Variants in TMEM68 observed in about 807,000 individuals in gnomAD.
TMEM68 encodes the protein DGAT1/2-independent enzyme synthesizing storage lipids.
In TMEM68, 25 loss-of-function variants were observed where a neutral mutation model predicts 36.9. That is an observed-to-expected ratio of 0.68 (90% confidence interval 0.49 to 0.95). The LOEUF (loss-of-function observed/expected upper bound fraction) is 0.95. Among genes scored for constraint, TMEM68 ranks in the 40% least tolerant of loss-of-function variants. The probability of loss-of-function intolerance (pLI) is 0.00; values close to 1 mark genes in which losing one functional copy is unlikely to be tolerated. For missense variants in TMEM68, 333 were observed against 392.0 expected (o/e 0.85, Z 1.27); for synonymous variants, 131 against 124.4 (o/e 1.05, Z -0.35).
chr8:55,756,126 AC>A (rs1240621742), intron 4 of TMEM68, 117 bp downstream of exon 4: 1 of 722,318 alleles, frequency 1.4e-6, no homozygotes, highest in East Asian at 3.1e-5. Flanking sequence ...TGTTATACAC[AC>A]CCTAAAAGGC....
chr8:55,740,559 T>C (rs966935352), intron 7 of TMEM68, among the ~76,000 whole-genome samples: 2 of 152,136 alleles, frequency 1.3e-5, no homozygotes, highest in African/African-American at 2.4e-5. Flanking sequence ...CTCCTTAAGA[T>C]ACATCTTAGA....
chr8:55,754,738 A>ATATATATATTATATATAAAATACATACT (rs1395061390), intron 4 of TMEM68, among the ~76,000 whole-genome samples: 26 of 105,590 alleles, frequency 2.5e-4, no homozygotes, highest in South Asian at 7.5e-4. Flanking sequence ...ATACATACTT[A>ATATATATATTATATATAAAATACATACT]TATATATATT....
intron 5 of TMEM68, among the ~76,000 whole-genome samples, chr8:55,750,724 C>G (rs180695703): frequency 1.3e-5 from 2 of 151,846 alleles, no homozygotes; most frequent in African/African-American, 4.8e-5. Flanking sequence ...ATTTTTAGTA[C>G]AGATGGGGTT....
intron 1 of TMEM68, among the ~76,000 whole-genome samples, chr8:55,771,360 G>A (rs1811154806): frequency 6.6e-6 from 1 of 151,908 alleles, no homozygotes; most frequent in Non-Finnish European, 1.5e-5. Context: ...CTAACACTTT[G>A]GGAGGCTGAG....
At chr8:55,755,266 A>G (rs116739929) in intron 4 of TMEM68, among the ~76,000 whole-genome samples, 1,935 of 151,590 alleles carry the variant, frequency 0.013, 39 homozygotes, top group African/African-American at 0.045. Context: ...AAGACAAAAT[A>G]TATCTTTTTT....
intron 7 of TMEM68, among the ~76,000 whole-genome samples, chr8:55,741,396 G>A (rs1195903484): frequency 6.6e-6 from 1 of 152,150 alleles, no homozygotes; most frequent in African/African-American, 2.4e-5. Flanking sequence ...TGTGTATTAA[G>A]TGTATCTCTA....
At chr8:55,757,599 CCTCT>C (rs1810645631) in intron 3 of TMEM68, among the ~76,000 whole-genome samples, 1 of 152,042 alleles carries the variant, frequency 6.6e-6, no homozygotes, top group South Asian at 2.1e-4. Context: ...CCTTTCACTC[CCTCT>C]AAGAAAAGGG....
intron 5 of TMEM68, among the ~76,000 whole-genome samples, chr8:55,749,663 T>C (rs1418684104): frequency 6.6e-6 from 1 of 152,140 alleles, no homozygotes. Context: ...TCCATCTCTC[T>C]GTGCCTGAGT....
intron 1 of TMEM68, among the ~76,000 whole-genome samples, chr8:55,766,881 G>C (rs1810980246): frequency 6.6e-6 from 1 of 152,142 alleles, no homozygotes; most frequent in Non-Finnish European, 1.5e-5. Flanking sequence ...TCAGTTTCTG[G>C]ATATATTTTG....
rs1240636576 is a variant in TMEM68 at position 55,743,595 on chromosome 8, T to G, written c.774A>C (p.Lys258Asn). 1 of 1,535,110 alleles carries G rather than the reference T, an allele frequency of 6.5e-7. No homozygotes were observed. Among genetic ancestry groups the G allele is most frequent in the East Asian group, 2.4e-5 (1 of 40,910 alleles). Residue 258 changes from lysine to asparagine, a missense_variant, in exon 7 of 8, where the codon AAA becomes AAC. Physicochemically the swap from Lys to Asn is moderately conservative, Grantham distance 94. Transcript: ENST00000434581. ...ACATTGGAGCAAATGGATAGCGGAA[T>G]TTTTCATAAAGCCACCTAAATAACC... ...GTRLFRWLYE[K>N]FRYPFAPMYG...
rs781740378 is a variant in TMEM68, at chr8:55,756,340, T to C, written c.397A>G (p.Ile133Val). ...ATGAAATAGTAAAAATCTATAGGAA[T>C]AGCTCCATGATAAAAAATTATAAGT... is the stretch of plus-strand genomic sequence containing the variant. ...PALIIFYHGA[I>V]PIDFYYFMAK... Residue 133 changes from isoleucine (I) to valine (V), a missense_variant, in exon 4 of 8, where the codon ATT becomes GTT. Physicochemically the swap from Ile to Val is conservative, Grantham distance 29. Coordinates refer to ENST00000434581, the MANE Select transcript of TMEM68 (RefSeq NM_001286657.2). 5.0e-6 allele frequency: 8 copies of C among 1,605,766 alleles called. No individual in the cohort carries two copies. The Admixed American group carries it at 1.0e-4, about 21-fold the overall frequency.
chr8:55,753,225 A>C (rs929379971), intron 4 of TMEM68, among the ~76,000 whole-genome samples: 3 of 152,208 alleles, frequency 2.0e-5, no homozygotes, highest in Non-Finnish European at 4.4e-5. Context: ...AAAAAAGTAG[A>C]AGCAACCTAA....
chr8:55,742,372 T>C (rs1436236619), intron 7 of TMEM68, among the ~76,000 whole-genome samples: 1 of 152,210 alleles, frequency 6.6e-6, no homozygotes, highest in Admixed American at 6.5e-5. Flanking sequence ...ATGGTTAAGA[T>C]AGTACATGTA....
At chr8:55,771,437 A>G (rs1227484948) in intron 1 of TMEM68, among the ~76,000 whole-genome samples, 2 of 60,708 alleles carry the variant, frequency 3.3e-5, no homozygotes, top group Non-Finnish European at 7.0e-5. Context: ...CCTTGTCTCT[A>G]CAAAACACAC....
intron 5 of TMEM68, 177 bp downstream of exon 5, chr8:55,750,787 C>G: frequency 1.8e-6 from 1 of 559,888 alleles, no homozygotes; most frequent in Admixed American, 3.5e-5. Flanking sequence ...ATACATCCAC[C>G]TCGGCCTCCC....
intron 1 of TMEM68, among the ~76,000 whole-genome samples, chr8:55,768,887 G>A (rs1359636632): frequency 6.6e-6 from 1 of 151,486 alleles, no homozygotes; most frequent in African/African-American, 2.4e-5. Flanking sequence ...ATGGTGACAT[G>A]TACCAATGAT....
chr8:55,750,105 G>C (rs2129941218), intron 5 of TMEM68, among the ~76,000 whole-genome samples: 1 of 152,186 alleles, frequency 6.6e-6, no homozygotes, highest in South Asian at 2.1e-4. Flanking sequence ...AAACTTGAAA[G>C]TTGAACCATC....
intron 3 of TMEM68, among the ~76,000 whole-genome samples, chr8:55,760,022 A>G (rs1810734315): frequency 6.6e-6 from 1 of 152,236 alleles, no homozygotes; most frequent in Non-Finnish European, 1.5e-5. Flanking sequence ...TGGAGAAGGG[A>G]TGACATCTGG....
intron 5 of TMEM68, among the ~76,000 whole-genome samples, chr8:55,750,422 C>G (rs1810395784): frequency 6.6e-6 from 1 of 152,000 alleles, no homozygotes; most frequent in South Asian, 2.1e-4. Context: ...GAAGCAGAAA[C>G]TTTCCATAGG....
Sources: allele counts gnomAD v4.1 joint callset (sites outside exome capture counted in the v4.1 genomes callset), GRCh38; gene constraint gnomAD v4.1.1; transcripts MANE v1.5; gene names NCBI Gene and HGNC (gene_info 2026-07-23, HGNC 2026-07-21).